The following CLSTN2 variants were observed in gnomAD, a reference collection of about 807,000 sequenced individuals.
CLSTN2 encodes calsyntenin-2.
In CLSTN2, 48 loss-of-function variants were observed where a neutral mutation model predicts 101.2. The observed-to-expected ratio is 0.47, with a 90% CI of 0.38 to 0.60. CLSTN2 has a LOEUF of 0.60. Ranked by LOEUF, CLSTN2 falls within the 20% of genes least tolerant of loss-of-function variation. CLSTN2 has a pLI of 0.00. For synonymous variants in CLSTN2, 481 were observed against 463.6 expected (o/e 1.04, Z -0.48); for missense variants, 1,160 against 1,238.2 (o/e 0.94, Z 0.95).
chr3:140,244,174 G>C (rs1428532458), intron 2 of CLSTN2, among the ~76,000 whole-genome samples: 1 of 152,184 alleles, frequency 6.6e-6, no homozygotes, highest in African/African-American at 2.4e-5. Flanking sequence ...CATGCCAGAG[G>C]TCTCCTTGTA....
chr3:140,040,234 A>G (rs1332542694), intron 1 of CLSTN2, among the ~76,000 whole-genome samples: 1 of 152,042 alleles, frequency 6.6e-6, no homozygotes, highest in African/African-American at 2.4e-5. Flanking sequence ...GGCTGAGGCA[A>G]TTCTCACCCT....
intron 2 of CLSTN2, among the ~76,000 whole-genome samples, chr3:140,294,021 G>A (rs1041541232): frequency 2.6e-5 from 4 of 152,188 alleles, no homozygotes; most frequent in Non-Finnish European, 5.9e-5. Context: ...CTGACCCTGG[G>A]CCTCCATTTA....
intron 12 of CLSTN2, among the ~76,000 whole-genome samples, chr3:140,561,441 G>C (rs1338233105): frequency 6.6e-6 from 1 of 152,170 alleles, no homozygotes; most frequent in African/African-American, 2.4e-5. Context: ...CATACAATTA[G>C]GCAAGGACAA....
chr3:140,216,723 A>G (rs1019528374), intron 2 of CLSTN2, among the ~76,000 whole-genome samples: 1 of 152,194 alleles, frequency 6.6e-6, no homozygotes, highest in Admixed American at 6.5e-5. Context: ...ATTATATGAG[A>G]TGTAAAGTGC....
At chr3:140,248,891 C>G (rs1396169001) in intron 2 of CLSTN2, among the ~76,000 whole-genome samples, 2 of 152,212 alleles carry the variant, frequency 1.3e-5, no homozygotes, top group African/African-American at 4.8e-5. Flanking sequence ...ATCACTTTCT[C>G]TCATTGGGCT....
At chr3:140,131,986 T>A (rs2107804500) in intron 1 of CLSTN2, among the ~76,000 whole-genome samples, 1 of 152,296 alleles carries the variant, frequency 6.6e-6, no homozygotes, top group East Asian at 1.9e-4. Flanking sequence ...GCAGCCATAC[T>A]TGTGTGTGAT....
chr3:140,490,596 GAAAAA>G (rs71149081), intron 8 of CLSTN2, among the ~76,000 whole-genome samples: 1 of 90,114 alleles, frequency 1.1e-5, no homozygotes, highest in African/African-American at 4.5e-5. Flanking sequence ...CCTTGTCTCA[GAAAAA>G]AAAAAAAAAA....
rs557591632 is a variant in CLSTN2, at chr3:140,566,449, T to C, written c.*196T>C. On this transcript the variant is annotated 3_prime_UTR_variant, in exon 17 of 17. Transcript: ENST00000458420. ...TGGGGAAGTTCCAAGAAGCCCAGCA[T>C]GGCCATCAGTGAGGACTTCAGGGTA... The C allele has an allele frequency of 3.4e-5, 21 of 609,192 alleles. No individual in the cohort carries two copies. In the East Asian group the frequency reaches 4.7e-4, roughly 14 times the overall value. 37.7% of individuals were successfully genotyped at this position (609,192 alleles called of 1,614,324 possible).
In CLSTN2 at chr3:140,434,448, G is replaced by A. The variant is rs536239739; in HGVS notation, c.787+13174G>A. On this transcript the variant is annotated intron_variant, in intron 5 of 16. Coordinates refer to ENST00000458420, the MANE Select transcript of CLSTN2 (RefSeq NM_022131.3). ...GCCCCTGGGAACCATGAGCTGGAGC[G>A]GTGGTGAGGTGAGGGCAGACAGGTG... Among the ~76,000 whole-genome samples the A allele has an allele frequency of 7.2e-5, 11 of 152,282 alleles. No individual in the cohort carries two copies. The South Asian group carries it at 2.1e-3, about 29-fold the overall frequency.
intron 1 of CLSTN2, among the ~76,000 whole-genome samples, chr3:139,989,370 C>T (rs1030711830): frequency 6.6e-6 from 1 of 152,166 alleles, no homozygotes; most frequent in African/African-American, 2.4e-5. Context: ...GTGGTTGTTT[C>T]CCCACCCTGC....
chr3:139,988,381 A>G (rs1271352310), intron 1 of CLSTN2, among the ~76,000 whole-genome samples: 1 of 152,214 alleles, frequency 6.6e-6, no homozygotes, highest in Admixed American at 6.5e-5. Context: ...TGACAGCACA[A>G]CACCAACATA....
chr3:140,012,666 G>A (rs533064690), intron 1 of CLSTN2, among the ~76,000 whole-genome samples: 1 of 152,322 alleles, frequency 6.6e-6, no homozygotes, highest in South Asian at 2.1e-4. Flanking sequence ...CTGCAAGGAA[G>A]GAGAGTCATT....
intron 2 of CLSTN2, among the ~76,000 whole-genome samples, chr3:140,399,873 C>T (rs1202660064): frequency 6.6e-6 from 1 of 151,986 alleles, no homozygotes; most frequent in East Asian, 1.9e-4. Context: ...TGCCTCCCTC[C>T]CCCTGTTTGT....
intron 1 of CLSTN2, among the ~76,000 whole-genome samples, chr3:140,061,698 A>G (rs1434754929): frequency 6.6e-6 from 1 of 152,216 alleles, no homozygotes; most frequent in Non-Finnish European, 1.5e-5. Flanking sequence ...ACATTGTTGC[A>G]GTTTACCCAG....
rs2010530167 is a variant in CLSTN2 at position 140,189,509 on chromosome 3, T to C, written c.232+13436T>C. 2.0e-5 allele frequency among the ~76,000 whole-genome samples: 3 copies of C among 152,214 alleles called. No homozygotes were observed. The South Asian group carries it at 6.2e-4, about 32-fold the overall frequency. On this transcript the variant is annotated intron_variant, in intron 2 of 16. Coordinates refer to ENST00000458420, the MANE Select transcript of CLSTN2 (RefSeq NM_022131.3). Reference sequence around the variant, plus strand: ...TTCTCTAATGGCTGATGATGTCAAATGTTTTTACATATGCTTATTTTCCAC... The same window carrying C: ...TTCTCTAATGGCTGATGATGTCAAACGTTTTTACATATGCTTATTTTCCAC...
chr3:140,115,783 TCTC>T (rs1397301006), intron 1 of CLSTN2, among the ~76,000 whole-genome samples: 2 of 152,206 alleles, frequency 1.3e-5, no homozygotes, highest in Non-Finnish European at 2.9e-5. Flanking sequence ...ATCCTATTGT[TCTC>T]CTTGAAAAGC....
At position 140,120,257 on chromosome 3, in the gene CLSTN2, C is replaced by T. The variant is rs372816942; in HGVS notation, c.110-55694C>T. Among the ~76,000 whole-genome samples the T allele has an allele frequency of 3.9e-5, 6 of 152,186 alleles. No individual in the cohort carries two copies. In the East Asian group the frequency reaches 5.8e-4, roughly 15 times the overall value. On this transcript the variant is annotated intron_variant, in intron 1 of 16. Transcript: ENST00000458420. ...TTTCCAGAAACCCCTCTTTGGATGC[C>T]GTTAATTTGTTGGAGTGGCTCACAG...
intron 1 of CLSTN2, among the ~76,000 whole-genome samples, chr3:139,987,078 C>T (rs1041667797): frequency 6.6e-6 from 1 of 152,092 alleles, no homozygotes; most frequent in African/African-American, 2.4e-5. Flanking sequence ...TACAAGTCAC[C>T]CACAATGATT....
chr3:140,304,862 T>G (rs2087096196), intron 2 of CLSTN2, among the ~76,000 whole-genome samples: 1 of 152,192 alleles, frequency 6.6e-6, no homozygotes, highest in Admixed American at 6.5e-5. Flanking sequence ...GCTCAACCTC[T>G]TCTCCTCAAG....
Sources: gnomAD v4.1 joint callset for allele counts (sites outside exome capture counted in the v4.1 genomes callset) on GRCh38, gnomAD v4.1.1 for gene constraint, MANE v1.5 for transcripts, NCBI Gene and HGNC (gene_info 2026-07-23, HGNC 2026-07-21) for gene names.